Variants in RPS24 observed in about 807,000 individuals in gnomAD.
RPS24 encodes the protein small ribosomal subunit protein eS24.
For synonymous variants in RPS24, 72 were observed against 55.6 expected, an observed-to-expected ratio of 1.30 and a Z score of -1.31; for missense variants, 100 against 162.5, an observed-to-expected ratio of 0.62 and a Z score of 2.09.
chr10:78,042,533 C>T (rs77806876), downstream of RPS24, among the ~76,000 whole-genome samples: 593 of 152,344 alleles, frequency 3.9e-3, 4 homozygotes, highest in African/African-American at 0.013. Context: ...TGGACAGATT[C>T]AGCACATTGT....
intron 1 of RPS24, chr10:78,034,395 G>A: frequency 5.3e-6 from 1 of 189,780 alleles, no homozygotes; most frequent in Non-Finnish European, 1.1e-5. Context: ...TGGGGAAACA[G>A]GCCCTGGAAA....
chr10:78,055,529 G>C (rs959916608), exon 5 of RPS24: 1 of 152,936 alleles, frequency 6.5e-6, no homozygotes, highest in Admixed American at 6.5e-5. Flanking sequence ...TGAGGCAGAG[G>C]CTGCGGTGGA....
intron 4 of RPS24, chr10:78,039,587 G>A (rs1306746843): frequency 2.6e-5 from 4 of 152,576 alleles, no homozygotes; most frequent in Non-Finnish European, 4.4e-5. Flanking sequence ...TTTTGGTTGC[G>A]ATGGAGTTAT....
At chr10:78,054,183 G>A (rs1038177024) in intron 4 of RPS24, among the ~76,000 whole-genome samples, 13 of 152,122 alleles carry the variant, frequency 8.5e-5, no homozygotes, top group African/African-American at 3.1e-4. Context: ...CTAGTGCAGG[G>A]AAGGAGCCGC....
chr10:78,040,327 G>A, intron 5 of RPS24, 102 bp downstream of exon 5: 1 of 992,672 alleles, frequency 1.0e-6, no homozygotes, highest in Non-Finnish European at 1.6e-6. Flanking sequence ...TCTAGAAGTA[G>A]ATTTACAAAT....
At chr10:78,040,474 T>C in intron 5 of RPS24, 141 bp from the exon 6 acceptor site, 5 of 755,426 alleles carry the variant, frequency 6.6e-6, no homozygotes, top group South Asian at 6.2e-5. Flanking sequence ...ATGCTTTCAT[T>C]GTGTTATGAT....
intron 4 of RPS24, chr10:78,037,537 C>A: frequency 1.8e-6 from 1 of 569,220 alleles, no homozygotes; most frequent in Non-Finnish European, 2.9e-6. Flanking sequence ...AATCTGGAGG[C>A]CACATTGGTT....
chr10:78,052,665 A>G (rs923261485), intron 4 of RPS24, among the ~76,000 whole-genome samples: 4 of 152,138 alleles, frequency 2.6e-5, no homozygotes, highest in African/African-American at 9.7e-5. Context: ...GGAGGAGTCT[A>G]CTCAGACAAG....
intron 1 of RPS24, 25 bp downstream of exon 1, chr10:78,033,929 T>G (rs1847797079): frequency 9.3e-6 from 15 of 1,613,998 alleles, no homozygotes; most frequent in Non-Finnish European, 1.3e-5. Flanking sequence ...GCCCGTGCAG[T>G]CATCTGCCGC....
At chr10:78,038,393 A>C (rs1389157961) in intron 4 of RPS24, 1 of 154,764 alleles carries the variant, frequency 6.5e-6, no homozygotes, top group Non-Finnish European at 1.4e-5. Context: ...TCTTCTCTGG[A>C]GCCATGAAAC....
At chr10:78,040,479 T>TA in intron 5 of RPS24, 136 bp from the exon 6 acceptor site, 1 of 781,006 alleles carries the variant, frequency 1.3e-6, no homozygotes, top group Non-Finnish European at 2.3e-6. Context: ...TTCATTGTGT[T>TA]ATGATAACAT....
rs770817159 is a variant in RPS24, at chr10:78,040,195, C to G, written c.391-9C>G. On this transcript the variant is annotated splice_polypyrimidine_tract_variant and intron_variant, in intron 4 of 5. Transcript: ENST00000372360. Reference sequence around the variant, plus strand: ...CTTTCTCTTTTTCCCTTCCCCGCCACTGATTCAGTGAGCTGGAGATTGGAT... The same window carrying G: ...CTTTCTCTTTTTCCCTTCCCCGCCAGTGATTCAGTGAGCTGGAGATTGGAT... 1 of 1,613,442 alleles carries G rather than the reference C, an allele frequency of 6.2e-7. No homozygotes were observed. The highest frequency in any genetic ancestry group is 2.2e-5 in the East Asian group (1 of 44,876).
downstream of RPS24, among the ~76,000 whole-genome samples, chr10:78,043,150 C>G (rs1272837588): frequency 6.6e-6 from 1 of 152,084 alleles, no homozygotes; most frequent in Non-Finnish European, 1.5e-5. Context: ...ACTACAGGTG[C>G]CCGCCACCAT....
chr10:78,034,118 C>T lies in RPS24; in HGVS notation c.3+214C>T, dbSNP rs565875323. On this transcript the variant is annotated intron_variant, in intron 1 of 5. Transcript: ENST00000372360. ...ACCCGGACACGCTGGGCTTCGGGCT[C>T]CAGCGCCTGGGCAGTGCAGGAGCTG... The T allele has an allele frequency of 1.7e-4, 111 of 643,290 alleles. No individual in the cohort carries two copies. The East Asian group carries it at 3.0e-3, about 17-fold the overall frequency. The allele number at this position is 643,290 out of a possible 1,614,324, so 39.8% of individuals were successfully genotyped here. A position where few individuals can be genotyped will look rare whatever the true frequency, so the allele number is the denominator to read the frequency against.
intron 4 of RPS24, among the ~76,000 whole-genome samples, chr10:78,047,589 G>C (rs1174466367): frequency 1.3e-5 from 2 of 152,186 alleles, no homozygotes; most frequent in Admixed American, 6.5e-5. Flanking sequence ...TCTCAGAGAA[G>C]GTCTAATGGG....
intron 4 of RPS24, among the ~76,000 whole-genome samples, chr10:78,054,098 A>G (rs1848127471): frequency 6.6e-6 from 1 of 152,036 alleles, no homozygotes; most frequent in Non-Finnish European, 1.5e-5. Flanking sequence ...GTGCTCCTCA[A>G]GATCCTAAGG....
chr10:78,054,707 T>G lies in RPS24; in HGVS notation c.567T>G (p.Tyr189Ter). ...GATTGCGGAGGGGCTGTGGCAAGTATTTACAGGTGGCCGTTACCTGGAGGA... is the reference window on the plus strand; with the variant it reads ...GATTGCGGAGGGGCTGTGGCAAGTAGTTACAGGTGGCCGTTACCTGGAGGA... Residue 189 changes from tyrosine to a stop codon, truncating the protein, a stop_gained, in exon 5 of 5, where the codon TAT becomes TAG. Coordinates refer to the RPS24 transcript ENST00000440692. LOFTEE classifies it low-confidence loss of function (END_TRUNC). The G allele has an allele frequency of 6.4e-7, 1 of 1,551,600 alleles. No individual in the cohort carries two copies. Among genetic ancestry groups the G allele is most frequent in the Non-Finnish European group, 8.7e-7 (1 of 1,146,976 alleles).
downstream of RPS24, among the ~76,000 whole-genome samples, chr10:78,043,647 G>T (rs747073697): frequency 6.6e-5 from 10 of 152,212 alleles, no homozygotes; most frequent in Non-Finnish European, 8.8e-5. Context: ...TGTCTTGAAA[G>T]CTCTGAGGTA....
At chr10:78,034,027 A>C (rs1847800896) in intron 1 of RPS24, 123 bp downstream of exon 1, 1 of 1,273,270 alleles carries the variant, frequency 7.9e-7, no homozygotes, top group African/African-American at 1.5e-5. Flanking sequence ...CGTTTCTGTC[A>C]GAGGATGGTT....
Sources: gnomAD v4.1 joint callset for allele counts (sites outside exome capture counted in the v4.1 genomes callset) on GRCh38, gnomAD v4.1.1 for gene constraint, MANE v1.5 for transcripts, NCBI Gene and HGNC (gene_info 2026-07-23, HGNC 2026-07-21) for gene names.